Variants in LRRC7 observed in about 807,000 individuals in gnomAD.
LRRC7 encodes leucine rich repeat containing 7.
A neutral mutation model predicts 175.7 loss-of-function variants in LRRC7; 23 were observed. The observed-to-expected ratio is 0.13, with a 90% CI of 0.09 to 0.19. The LOEUF (loss-of-function observed/expected upper bound fraction) is 0.19, where lower values mean the gene tolerates loss of function less well. LRRC7 is among the 10% of genes least tolerant of loss of function. The probability of loss-of-function intolerance (pLI) is 1.00; values close to 1 mark genes in which losing one functional copy is unlikely to be tolerated. For synonymous variants in LRRC7, 685 were observed against 680.9 expected (o/e 1.01, Z -0.09); for missense variants, 1,354 against 1,904.7 (o/e 0.71, Z 5.38).
intron 2 of LRRC7, among the ~76,000 whole-genome samples, chr1:69,694,661 T>G (rs762375468): frequency 1.6e-4 from 24 of 152,148 alleles, no homozygotes; most frequent in Non-Finnish European, 2.6e-4. Context: ...TGACTTGGTG[T>G]TGTTCTCATG....
intron 3 of LRRC7, among the ~76,000 whole-genome samples, chr1:69,782,246 C>A (rs1241790709): frequency 6.6e-6 from 1 of 152,226 alleles, no homozygotes; most frequent in Non-Finnish European, 1.5e-5. Flanking sequence ...GAAAGAATAA[C>A]CACTTACTGA....
At chr1:69,722,423 A>G (rs2100784397) in intron 2 of LRRC7, among the ~76,000 whole-genome samples, 1 of 152,164 alleles carries the variant, frequency 6.6e-6, no homozygotes, top group South Asian at 2.1e-4. Context: ...TGCTATGTAC[A>G]ATGGTATGCC....
At chr1:69,627,297 A>G (rs1038533184) in intron 1 of LRRC7, among the ~76,000 whole-genome samples, 2 of 151,910 alleles carry the variant, frequency 1.3e-5, no homozygotes, top group African/African-American at 4.8e-5. Context: ...CTCATTGTGG[A>G]TTTGATTTGC....
chr1:70,049,045 A>G (rs1660552357), intron 22 of LRRC7, among the ~76,000 whole-genome samples: 2 of 152,126 alleles, frequency 1.3e-5, no homozygotes. Flanking sequence ...CCACCATAAC[A>G]GCATACCATA....
intron 2 of LRRC7, among the ~76,000 whole-genome samples, chr1:69,719,100 C>T (rs1430812078): frequency 6.6e-6 from 1 of 151,678 alleles, no homozygotes; most frequent in Non-Finnish European, 1.5e-5. Context: ...TTAAGTCTCC[C>T]CATAATTTGA....
Position 70,011,184 on chromosome 1 carries a change from ACT to A in LRRC7, c.1005-608_1005-607del, listed in dbSNP as rs1220019484. ...TGCTAAGAGGCAGGATAATACAGTG[ACT>A]CTCTACTGTCTGCATTTAATTCCCA... On this transcript the variant is annotated intron_variant, in intron 11 of 26. Coordinates refer to ENST00000651989, the MANE Select transcript of LRRC7 (RefSeq NM_001370785.2). Among the ~76,000 whole-genome samples the A allele has an allele frequency of 1.1e-4, 17 of 152,174 alleles. 1 individual carries two copies. In the South Asian group the frequency reaches 2.7e-3, roughly 24 times the overall value.
At chr1:69,717,845 G>GAAA (rs1557641450) in intron 2 of LRRC7, among the ~76,000 whole-genome samples, 3 of 25,010 alleles carry the variant, frequency 1.2e-4, no homozygotes, top group African/African-American at 2.4e-4. Flanking sequence ...AAAGAAAAAA[G>GAAA]AAAGAAAGGA....
chr1:70,093,485 T>C (rs1056914280), intron 25 of LRRC7, among the ~76,000 whole-genome samples: 3 of 152,142 alleles, frequency 2.0e-5, no homozygotes, highest in African/African-American at 7.2e-5. Flanking sequence ...TCCAGATGCT[T>C]TTCTTAATAA....
chr1:69,937,604 C>A (rs1229430896), intron 8 of LRRC7, among the ~76,000 whole-genome samples: 1 of 151,886 alleles, frequency 6.6e-6, no homozygotes, highest in Admixed American at 6.6e-5. Context: ...ATACATTATT[C>A]TTGCATACTT....
At chr1:69,711,115 T>G (rs561653087) in intron 2 of LRRC7, among the ~76,000 whole-genome samples, 3 of 152,306 alleles carry the variant, frequency 2.0e-5, no homozygotes, top group East Asian at 3.9e-4. Context: ...CAAATCCTAA[T>G]GAATCTCTGA....
chr1:69,588,988 T>TGTGTGTGTGTGG (rs1553121565), intron 1 of LRRC7, among the ~76,000 whole-genome samples: 2 of 148,002 alleles, frequency 1.4e-5, no homozygotes, highest in Non-Finnish European at 3.0e-5. Flanking sequence ...CTGGGGTCTG[T>TGTGTGTGTGTGG]GTGTGTGTGT....
intron 3 of LRRC7, among the ~76,000 whole-genome samples, chr1:69,769,889 T>A (rs2100980507): frequency 6.6e-6 from 1 of 152,340 alleles, no homozygotes; most frequent in East Asian, 1.9e-4. Context: ...AGTTTTTTTT[T>A]ATTGTAGGCC....
At chr1:69,812,515 A>G (rs1678016232) in intron 4 of LRRC7, among the ~76,000 whole-genome samples, 1 of 152,122 alleles carries the variant, frequency 6.6e-6, no homozygotes, top group African/African-American at 2.4e-5. Context: ...TAATAGGTAT[A>G]CTAATATCTG....
intron 11 of LRRC7, among the ~76,000 whole-genome samples, chr1:70,006,999 G>A (rs548636720): frequency 1.3e-5 from 2 of 152,274 alleles, no homozygotes; most frequent in South Asian, 4.2e-4. Context: ...TAGCAACATG[G>A]AAGCTCTCCA....
chr1:70,094,373 GA>G (rs147695505), intron 25 of LRRC7, among the ~76,000 whole-genome samples: 1 of 151,950 alleles, frequency 6.6e-6, no homozygotes, highest in Non-Finnish European at 1.5e-5. Flanking sequence ...AGAAATGATA[GA>G]AAAAAACAAA....
In LRRC7 at chr1:69,748,011, A is replaced by G. The variant is rs143856305; in HGVS notation, c.101-12180A>G. Among the ~76,000 whole-genome samples the G allele has an allele frequency of 5.3e-5, 8 of 152,252 alleles. 2 individuals are homozygous for G. The highest frequency in any genetic ancestry group is 1.9e-4 in the African/African-American group (8 of 41,562). Reference sequence around the variant, plus strand: ...TGAGGGGGACATTAAGCAGGCTTGTATGTTTCATGAATCTCTTAAAAATCT... The same window carrying G: ...TGAGGGGGACATTAAGCAGGCTTGTGTGTTTCATGAATCTCTTAAAAATCT... On this transcript the variant is annotated intron_variant, in intron 2 of 26. Transcript: ENST00000651989.
At chr1:69,701,772 A>G (rs955034583) in intron 2 of LRRC7, among the ~76,000 whole-genome samples, 7 of 152,190 alleles carry the variant, frequency 4.6e-5, no homozygotes, top group African/African-American at 1.7e-4. Context: ...AATTATAGAA[A>G]ACTTAACTAT....
At chr1:69,780,094 T>A (rs1673313630) in intron 3 of LRRC7, among the ~76,000 whole-genome samples, 1 of 152,224 alleles carries the variant, frequency 6.6e-6, no homozygotes, top group Non-Finnish European at 1.5e-5. Context: ...ATCTCCCACC[T>A]GCCTGTCTGT....
intron 1 of LRRC7, among the ~76,000 whole-genome samples, chr1:69,673,184 A>C (rs1447827667): frequency 6.6e-6 from 1 of 152,228 alleles, no homozygotes; most frequent in Non-Finnish European, 1.5e-5. Context: ...AACATCAACT[A>C]GGACTTGACC....
Sources: allele counts gnomAD v4.1 joint callset (sites outside exome capture counted in the v4.1 genomes callset), GRCh38; gene constraint gnomAD v4.1.1; transcripts MANE v1.5; gene names NCBI Gene and HGNC (gene_info 2026-07-23, HGNC 2026-07-21).